Variants in FNDC7 observed in about 807,000 individuals in gnomAD.
FNDC7 encodes the protein fibronectin type III domain-containing protein 7.
FNDC7 carries 66 observed loss-of-function variants against 74.2 expected under a neutral mutation model. The ratio of observed to expected loss-of-function variants is 0.89; its 90% CI spans 0.73 to 1.09. The LOEUF is 1.09. Ranked by LOEUF, FNDC7 falls within the 50% of genes least tolerant of loss-of-function variation. The pLI, the probability that FNDC7 is intolerant of heterozygous loss-of-function variation, is 0.00. For synonymous variants in FNDC7, 307 were observed against 330.2 expected (o/e 0.93, Z 0.76); for missense variants, 829 against 893.4 (o/e 0.93, Z 0.92).
rs1661674015 is a variant in FNDC7, at chr1:108,742,581, A to T, written c.*694A>T. The T allele has an allele frequency of 6.6e-6, 1 of 152,200 alleles. No homozygotes were observed. Among genetic ancestry groups the T allele is most frequent in the Admixed American group, 6.5e-5 (1 of 15,292 alleles). The allele number at this position is 152,200 out of a possible 1,614,324, so 9.4% of individuals were successfully genotyped here. On this transcript the variant is annotated 3_prime_UTR_variant, in exon 13 of 13. Transcript: ENST00000370017. ...GCAGTTATGCTTTCTGCATGAGAGA[A>T]GATGTCAAATGGAGAGCCTCAAACT...
intron 5 of FNDC7, among the ~76,000 whole-genome samples, chr1:108,723,016 C>T (rs1275070724): frequency 1.3e-5 from 2 of 152,120 alleles, no homozygotes; most frequent in African/African-American, 4.8e-5. Context: ...TAGTTCTGAA[C>T]ATGCGTTTAG....
intron 10 of FNDC7, chr1:108,734,725 C>G (rs185566682): frequency 6.6e-6 from 1 of 152,100 alleles, no homozygotes; most frequent in Admixed American, 6.5e-5. Flanking sequence ...CAAAGCATAG[C>G]CCTATGGGAA....
chr1:108,717,853 G>A lies in FNDC7; in HGVS notation c.159G>A (p.Pro53=), dbSNP rs557203943. The A allele has an allele frequency of 6.8e-5, 105 of 1,551,672 alleles. No individual in the cohort carries two copies. The highest frequency in any genetic ancestry group is 3.3e-4 in the South Asian group (28 of 84,054). ...TCACTGTAGAATGGGCTACAGTGCCGGGTGCCACCAGTTACCTCCTCACGG... is the reference window on the plus strand; with the variant it reads ...TCACTGTAGAATGGGCTACAGTGCCAGGTGCCACCAGTTACCTCCTCACGG... ...NSITVEWATV[P]GATSYLLTAE... is the part of the protein sequence containing the mutation. Residue 53 remains proline (P), a synonymous_variant, in exon 3 of 13, where the codon CCG becomes CCA. Coordinates refer to ENST00000370017, the MANE Select transcript of FNDC7 (RefSeq NM_001144937.3).
intron 10 of FNDC7, among the ~76,000 whole-genome samples, chr1:108,736,079 A>G (rs2101090265): frequency 6.6e-6 from 1 of 152,304 alleles, no homozygotes; most frequent in South Asian, 2.1e-4. Context: ...AAGAGCTGAG[A>G]TTACAGGCAT....
chr1:108,736,515 A>C (rs923193433), intron 10 of FNDC7, among the ~76,000 whole-genome samples: 1 of 152,224 alleles, frequency 6.6e-6, no homozygotes, highest in African/African-American at 2.4e-5. Context: ...TTTGAAATTT[A>C]AAAAAGAATG....
intron 2 of FNDC7, 67 bp from the exon 3 acceptor site, chr1:108,717,710 T>G: frequency 6.7e-7 from 1 of 1,484,706 alleles, no homozygotes; most frequent in Non-Finnish European, 9.2e-7. Flanking sequence ...GCTTGAAGAG[T>G]AAAATGATGA....
intron 4 of FNDC7, among the ~76,000 whole-genome samples, chr1:108,719,599 T>C (rs1661048435): frequency 6.6e-6 from 1 of 152,180 alleles, no homozygotes; most frequent in Non-Finnish European, 1.5e-5. Flanking sequence ...GCATGGGGCT[T>C]CCCACTATTG....
rs762769270 is a variant in FNDC7 at position 108,718,998 on chromosome 1, T to C, written c.547T>C (p.Trp183Arg). 1.5e-5 allele frequency: 23 copies of C among 1,552,070 alleles called. No homozygotes were observed. The South Asian group carries it at 2.7e-4, about 18-fold the overall frequency. ...GTLYTIKAYA[W>R]NANRIPGDDS... Reference sequence around the variant, plus strand: ...TCTCTACACCATAAAGGCCTATGCATGGAATGCCAACAGAATCCCTGGGGA... The same window carrying C: ...TCTCTACACCATAAAGGCCTATGCACGGAATGCCAACAGAATCCCTGGGGA... The change falls in exon 4 of 13, where the codon TGG becomes CGG. Residue 183 changes from tryptophan to arginine, a missense_variant. Coordinates refer to ENST00000370017, the MANE Select transcript of FNDC7 (RefSeq NM_001144937.3).
intron 4 of FNDC7, among the ~76,000 whole-genome samples, chr1:108,719,508 T>C (rs558509561): frequency 1.3e-5 from 2 of 152,342 alleles, no homozygotes; most frequent in East Asian, 3.9e-4. Context: ...GCAAGGTTTC[T>C]GCAGGCACAG....
chr1:108,734,721 A>G (rs1407840464), intron 10 of FNDC7: 3 of 152,232 alleles, frequency 2.0e-5, no homozygotes, highest in African/African-American at 7.2e-5. Context: ...GGCCCAAAGC[A>G]TAGCCCTATG....
chr1:108,718,718 C>G, intron 3 of FNDC7, 71 bp from the exon 4 acceptor site: 1 of 1,466,092 alleles, frequency 6.8e-7, no homozygotes, highest in Non-Finnish European at 9.2e-7. Flanking sequence ...TATCAATTTA[C>G]TTGCTTCTAA....
At chr1:108,717,676 G>C in intron 2 of FNDC7, 101 bp from the exon 3 acceptor site, 1 of 1,273,808 alleles carries the variant, frequency 7.9e-7, no homozygotes, top group South Asian at 1.5e-5. Context: ...ACTTCTGTCT[G>C]AAGGAAGGCA....
chr1:108,730,869 T>A lies in FNDC7; in HGVS notation c.1820T>A (p.Leu607Ter). 1 of 1,613,974 alleles carries A rather than the reference T, an allele frequency of 6.2e-7. No individual in the cohort carries two copies. Among genetic ancestry groups the A allele is most frequent in the South Asian group, 1.1e-5 (1 of 91,072 alleles). Residue 607 changes from leucine (L) to a stop codon, truncating the protein, a stop_gained, in exon 9 of 13, where the codon TTA becomes TAA. Coordinates refer to ENST00000370017, the MANE Select transcript of FNDC7 (RefSeq NM_001144937.3). LOFTEE classifies it high-confidence loss of function. ...TGTGGCATCAATTACACAGTGACAT[T>A]AAAAGCAATTAGTGCCACCGGGTTG... Reference protein sequence around the residue: ...ITCGINYTVTLKAISATGLTA... With the variant: ...ITCGINYTVT
At chr1:108,730,246 AC>A (rs1374288013) in intron 8 of FNDC7, among the ~76,000 whole-genome samples, 2 of 151,966 alleles carry the variant, frequency 1.3e-5, no homozygotes, top group Non-Finnish European at 2.9e-5. Context: ...GCATGGTGGC[AC>A]GCACCTGTAG....
intron 2 of FNDC7, among the ~76,000 whole-genome samples, chr1:108,714,162 T>G (rs1660926618): frequency 1.3e-5 from 2 of 152,174 alleles, no homozygotes; most frequent in African/African-American, 4.8e-5. Context: ...AAATTTATTT[T>G]TAGGAGGGTT....
In FNDC7 at chr1:108,730,690, C is replaced by T. The variant is rs750606561; in HGVS notation, c.1641C>T (p.Thr547=). 7.0e-6 allele frequency: 11 copies of T among 1,578,204 alleles called. No individual in the cohort carries two copies. Among genetic ancestry groups the T allele is most frequent in the East Asian group, 6.9e-5 (3 of 43,478 alleles). The change falls in exon 9 of 13, where the codon ACC becomes ACT. Residue 547 remains threonine, a synonymous_variant. Coordinates refer to ENST00000370017, the MANE Select transcript of FNDC7 (RefSeq NM_001144937.3). ...CCATTTAAGTGCCATGCTGTCCAAC[C>T]GGTCTGACAGTAACTCAAATCACCC... The part of the protein sequence containing the change: ...VPLETVPCCP[T]GLTVTQITQS...
At chr1:108,718,062 G>A (rs938642037) in intron 3 of FNDC7, 31 bp downstream of exon 3, 2 of 1,545,728 alleles carry the variant, frequency 1.3e-6, no homozygotes, top group African/African-American at 1.4e-5. Context: ...CCTCCGTTGA[G>A]TGTTTGCTTG....
chr1:108,728,485 C>A (rs574370000), intron 7 of FNDC7, 147 bp from the exon 8 acceptor site: 5 of 826,830 alleles, frequency 6.0e-6, no homozygotes, highest in Non-Finnish European at 9.7e-6. Flanking sequence ...CAGTTCCCCA[C>A]GCATAGGCAC....
rs958805493 is a variant in FNDC7 at position 108,732,736 on chromosome 1, T to C, written c.1880-536T>C. ...TTTCCCTCCCTCCCTCTCTTTTCTC[T>C]TTTTTCTTTCTTTCTTTCTGTCTGT... On this transcript the variant is annotated intron_variant, in intron 9 of 12. Coordinates refer to ENST00000370017, the MANE Select transcript of FNDC7 (RefSeq NM_001144937.3). Among the ~76,000 whole-genome samples the C allele has an allele frequency of 3.9e-4, 59 of 151,974 alleles. 1 individual carries two copies. Among genetic ancestry groups the C allele is most frequent in the African/African-American group, 1.4e-3 (59 of 41,382 alleles).
Sources: gnomAD v4.1 joint callset for allele counts (sites outside exome capture counted in the v4.1 genomes callset) on GRCh38, gnomAD v4.1.1 for gene constraint, MANE v1.5 for transcripts, NCBI Gene and HGNC (gene_info 2026-07-23, HGNC 2026-07-21) for gene names.